Variants in CYP4F22 observed in about 807,000 individuals in gnomAD.
CYP4F22 encodes ultra-long-chain fatty acid omega-hydroxylase.
Under a neutral mutation model 60.4 loss-of-function variants are expected in CYP4F22, and 37 were observed. The ratio of observed to expected loss-of-function variants is 0.61; its 90% confidence interval spans 0.47 to 0.81. CYP4F22 has a LOEUF of 0.81. CYP4F22 is among the 30% of genes least tolerant of loss of function. CYP4F22 has a pLI of 0.00. For missense variants in CYP4F22, 655 were observed against 715.0 expected (o/e 0.92, Z 0.96); for synonymous variants, 258 against 280.5 (o/e 0.92, Z 0.80).
intron 1 of CYP4F22, among the ~76,000 whole-genome samples, chr19:15,514,370 G>C (rs1180782873): frequency 6.6e-6 from 1 of 152,220 alleles, no homozygotes; most frequent in Non-Finnish European, 1.5e-5. Context: ...ATTAGATACA[G>C]TTGAGAAACT....
chr19:15,520,766 G>T (rs56964938), intron 1 of CYP4F22, among the ~76,000 whole-genome samples: 23,709 of 129,648 alleles, frequency 0.18, 2,937 homozygotes, highest in East Asian at 0.65. Context: ...ATTTTGTTTT[G>T]TTTTTTTGTT....
chr19:15,549,888 G>A (rs1971574959), intron 12 of CYP4F22, among the ~76,000 whole-genome samples: 1 of 152,020 alleles, frequency 6.6e-6, no homozygotes. Context: ...GGATCGCTTG[G>A]GCCCAGCAGT....
At chr19:15,545,648 C>CAAAAAAAAAAAAAAAAAAAAAA (rs1217096575) in intron 10 of CYP4F22, among the ~76,000 whole-genome samples, 5 of 38,950 alleles carry the variant, frequency 1.3e-4, no homozygotes, top group Non-Finnish European at 1.4e-4. Context: ...GACCCTGTCT[C>CAAAAAAAAAAAAAAAAAAAAAA]AAAAAAAAAA....
intron 1 of CYP4F22, among the ~76,000 whole-genome samples, chr19:15,510,959 TATATA>T (rs1971082850): frequency 1.7e-5 from 2 of 117,754 alleles, no homozygotes; most frequent in African/African-American, 7.3e-5. Flanking sequence ...TATATATATA[TATATA>T]TATTTTTTTT....
chr19:15,550,795 AGG>A (rs1271785208), intron 13 of CYP4F22, 39 bp downstream of exon 13: 3 of 1,606,474 alleles, frequency 1.9e-6, no homozygotes, highest in Middle Eastern at 1.7e-4. Context: ...CCAGCTGTGT[AGG>A]AACAGAGGCA....
At chr19:15,548,363 C>G (rs1037165610) in intron 11 of CYP4F22, 122 bp downstream of exon 11, 4 of 1,437,354 alleles carry the variant, frequency 2.8e-6, no homozygotes, top group Non-Finnish European at 3.9e-6. Flanking sequence ...GGATAGCTCT[C>G]TGTGTGCCTG....
At chr19:15,535,163 G>A (rs957030841) in intron 4 of CYP4F22, among the ~76,000 whole-genome samples, 3 of 152,150 alleles carry the variant, frequency 2.0e-5, no homozygotes, top group African/African-American at 7.2e-5. Flanking sequence ...CAGGAAGCCT[G>A]CCCTGACTTC....
At chr19:15,524,421 G>A (rs777276185) in intron 2 of CYP4F22, among the ~76,000 whole-genome samples, 2 of 152,302 alleles carry the variant, frequency 1.3e-5, no homozygotes, top group South Asian at 2.1e-4. Context: ...AGGCCAAGGC[G>A]GGAGGATCGC....
chr19:15,526,193 A>C (rs928418978), intron 3 of CYP4F22, among the ~76,000 whole-genome samples: 1 of 152,068 alleles, frequency 6.6e-6, no homozygotes, highest in Admixed American at 6.6e-5. Context: ...AACTCTCTCT[A>C]TAATTTTATA....
At chr19:15,525,289 CA>C in intron 2 of CYP4F22, 46 bp from the exon 3 acceptor site, 2 of 1,581,348 alleles carry the variant, frequency 1.3e-6, no homozygotes, top group Middle Eastern at 1.7e-4. Context: ...CCCCATGGGT[CA>C]TCGTCTTGTG....
At position 15,509,906 on chromosome 19, in the gene CYP4F22, T is replaced by TTCC. The variant is rs1568350838; in HGVS notation, c.-109+1324_-109+1325insCCT. Among the ~76,000 whole-genome samples the TTCC allele has an allele frequency of 7.3e-3, 714 of 97,240 alleles. 7 individuals carry two copies. The highest frequency in any genetic ancestry group is 0.018 in the African/African-American group (512 of 27,884). The allele number at this position is 97,240 out of a possible 152,430, so 63.8% of individuals were successfully genotyped here. A position where few individuals can be genotyped will look rare whatever the true frequency, so the allele number is the denominator to read the frequency against. On this transcript the variant is annotated intron_variant, in intron 1 of 13. Coordinates refer to ENST00000269703, the MANE Select transcript of CYP4F22 (RefSeq NM_173483.4). ...CTTCCTTCCTTCCTTCCTTCCTTCC[T>TTCC]TTCTTTCTTTCCTTCCTTCTTTCTT...
Position 15,540,491 on chromosome 19 carries a change from CTCTG to C in CYP4F22, c.720_723del (p.Val241GlyfsTer128), listed in dbSNP as rs751937099. The C allele has an allele frequency of 3.7e-6, 6 of 1,614,082 alleles. No homozygotes were observed. In the African/African-American group the frequency reaches 5.3e-5, roughly 14 times the overall value. On this transcript the variant is annotated frameshift_variant, in exon 8 of 14. Transcript: ENST00000269703. LOFTEE classifies it high-confidence loss of function. ...ATCTCCGCTATCATTGAACTGAGCGCTCTGTCTGTCCGGCGCCAGTATCGCTTGC... is the reference window on the plus strand; with the variant it reads ...ATCTCCGCTATCATTGAACTGAGCGCTCTGTCCGGCGCCAGTATCGCTTGC...
intron 1 of CYP4F22, among the ~76,000 whole-genome samples, chr19:15,509,904 C>CCTTCCTTCCTTCCTTTCCTTCCTTCTTT (rs1323141197): frequency 2.3e-5 from 2 of 86,696 alleles, no homozygotes. Flanking sequence ...TTCCTTCCTT[C>CCTTCCTTCCTTCCTTTCCTTCCTTCTTT]CTTTCTTTCT....
intron 1 of CYP4F22, among the ~76,000 whole-genome samples, chr19:15,511,508 C>T (rs1971092243): frequency 6.6e-6 from 1 of 152,106 alleles, no homozygotes; most frequent in Admixed American, 6.6e-5. Context: ...TTAGAAGTCC[C>T]CTCTCAGCTC....
chr19:15,532,155 C>G (rs994871113), intron 4 of CYP4F22, among the ~76,000 whole-genome samples: 10 of 151,702 alleles, frequency 6.6e-5, no homozygotes, highest in African/African-American at 2.2e-4. Context: ...AAGGGTTTCT[C>G]TTCTGCCTTT....
At chr19:15,548,462 G>A (rs971216671) in intron 11 of CYP4F22, among the ~76,000 whole-genome samples, 4 of 152,170 alleles carry the variant, frequency 2.6e-5, no homozygotes, top group Non-Finnish European at 4.4e-5. Flanking sequence ...AGGCAGTGTC[G>A]CAGGGATGGG....
chr19:15,513,618 C>T (rs1227264269), intron 1 of CYP4F22, among the ~76,000 whole-genome samples: 1 of 152,056 alleles, frequency 6.6e-6, no homozygotes, highest in Non-Finnish European at 1.5e-5. Context: ...CCCGCCTCGG[C>T]CTCCCAAAGT....
intron 12 of CYP4F22, among the ~76,000 whole-genome samples, chr19:15,550,277 T>A (rs1434347968): frequency 6.6e-6 from 1 of 151,706 alleles, no homozygotes; most frequent in Non-Finnish European, 1.5e-5. Flanking sequence ...TGAGTGAGAC[T>A]CTGACTCTAA....
chr19:15,541,551 G>T (rs1333767443), intron 8 of CYP4F22, among the ~76,000 whole-genome samples: 2 of 152,012 alleles, frequency 1.3e-5, no homozygotes, highest in African/African-American at 4.8e-5. Flanking sequence ...GGGTGGGCAG[G>T]GAACCATTCA....
Sources: gnomAD v4.1 joint callset for allele counts (sites outside exome capture counted in the v4.1 genomes callset) on GRCh38, gnomAD v4.1.1 for gene constraint, MANE v1.5 for transcripts, NCBI Gene and HGNC (gene_info 2026-07-23, HGNC 2026-07-21) for gene names.